Variants in ADCY8 observed in about 807,000 individuals in gnomAD.
The protein encoded by ADCY8 is adenylate cyclase 8, also known as adenylate cyclase type 8.
A neutral mutation model predicts 119.7 loss-of-function variants in ADCY8; 51 were observed. That is an observed-to-expected ratio of 0.43 (90% confidence interval 0.34 to 0.54). The LOEUF (loss-of-function observed/expected upper bound fraction) is 0.54. Among genes scored for constraint, ADCY8 ranks in the 20% least tolerant of loss-of-function variants. ADCY8 has a pLI of 0.03. For missense variants in ADCY8, 1,383 were observed against 1,598.8 expected (o/e 0.87, Z 2.30); for synonymous variants, 665 against 651.0 (o/e 1.02, Z -0.33).
intron 13 of ADCY8, among the ~76,000 whole-genome samples, chr8:130,816,372 G>A (rs997349265): frequency 6.6e-6 from 1 of 150,750 alleles, no homozygotes; most frequent in African/African-American, 2.4e-5. Context: ...AAGAAAGATC[G>A]ATCTCTTTAT....
intron 12 of ADCY8, among the ~76,000 whole-genome samples, chr8:130,824,528 A>G (rs1816614753): frequency 6.6e-6 from 1 of 152,346 alleles, no homozygotes; most frequent in African/African-American, 2.4e-5. Flanking sequence ...ATAATGCCTT[A>G]TTCATCTATG....
chr8:130,957,163 G>A (rs1821454526), intron 2 of ADCY8, among the ~76,000 whole-genome samples: 1 of 152,186 alleles, frequency 6.6e-6, no homozygotes, highest in Non-Finnish European at 1.5e-5. Context: ...TTGTTGAATG[G>A]CTTTGACCAT....
Position 130,903,927 on chromosome 8 carries a change from A to C in ADCY8, c.1756T>G (p.Leu586Val), listed in dbSNP as rs779630953. The C allele has an allele frequency of 3.1e-6, 5 of 1,614,108 alleles. No individual in the cohort carries two copies. The highest frequency in any genetic ancestry group is 3.4e-6 in the Non-Finnish European group (4 of 1,180,002). The change falls in exon 7 of 18, where the codon TTA (leucine) becomes GTA (valine). Residue 586 changes from leucine to valine, a missense_variant. Physicochemically the swap from Leu to Val is conservative, Grantham distance 32. This residue lies in a region of ADCY8 where 928 missense variants were observed against 1,163.5 expected (regional missense o/e 0.80). Coordinates refer to ENST00000286355, the MANE Select transcript of ADCY8 (RefSeq NM_001115.3). ...FLRKHNIETY[L>V]IKQPEDSLLS... ...AGACTGTCCTCAGGCTGCTTAATTA[A>C]GTAAGTTTCGATATTATGCTTCCTC...
chr8:130,925,341 C>T (rs1820431403), intron 5 of ADCY8, among the ~76,000 whole-genome samples: 1 of 152,170 alleles, frequency 6.6e-6, no homozygotes, highest in Admixed American at 6.5e-5. Flanking sequence ...TTCCAGGACC[C>T]AAACTCAGCC....
chr8:131,035,594 G>A (rs1464602338), intron 1 of ADCY8, among the ~76,000 whole-genome samples: 3 of 152,138 alleles, frequency 2.0e-5, no homozygotes, highest in Non-Finnish European at 4.4e-5. Flanking sequence ...GAGATTTTCA[G>A]TGTGGTTGCT....
intron 12 of ADCY8, among the ~76,000 whole-genome samples, chr8:130,826,035 A>G (rs1383278942): frequency 6.6e-6 from 1 of 152,234 alleles, no homozygotes; most frequent in African/African-American, 2.4e-5. Context: ...TTTGATGAAT[A>G]TTCTCGTATA....
At chr8:130,818,796 T>C (rs1273689433) in intron 13 of ADCY8, among the ~76,000 whole-genome samples, 1 of 152,144 alleles carries the variant, frequency 6.6e-6, no homozygotes, top group African/African-American at 2.4e-5. Context: ...GCCGCCCCTA[T>C]CACAGGGAGG....
chr8:130,909,019 CTCCA>C (rs746565794), intron 6 of ADCY8, among the ~76,000 whole-genome samples: 56 of 100,686 alleles, frequency 5.6e-4, no homozygotes, highest in African/African-American at 1.5e-3. Flanking sequence ...CTTTCTCTAT[CTCCA>C]TCCATCCATC....
chr8:130,910,217 G>A (rs1451462816), intron 5 of ADCY8, among the ~76,000 whole-genome samples: 1 of 152,070 alleles, frequency 6.6e-6, no homozygotes, highest in Non-Finnish European at 1.5e-5. Flanking sequence ...AACATCCTTA[G>A]CCTTTTATCT....
At chr8:130,948,200 C>G (rs1486018647) in intron 3 of ADCY8, among the ~76,000 whole-genome samples, 1 of 152,138 alleles carries the variant, frequency 6.6e-6, no homozygotes, top group East Asian at 1.9e-4. Context: ...AGTTAAAAAT[C>G]ACTGAAATTG....
At chr8:131,004,839 G>A (rs946084764) in intron 1 of ADCY8, among the ~76,000 whole-genome samples, 2 of 152,134 alleles carry the variant, frequency 1.3e-5, no homozygotes, top group East Asian at 3.9e-4. Context: ...GATTCTCATG[G>A]ACACTCACAG....
intron 4 of ADCY8, 78 bp from the exon 5 acceptor site, chr8:130,937,278 G>A (rs1356056902): frequency 1.2e-5 from 18 of 1,491,798 alleles, no homozygotes; most frequent in Middle Eastern, 2.3e-4. Flanking sequence ...AGAAAGAGGC[G>A]AGCAGGGTTA....
rs1318365422 is a variant in ADCY8 at position 130,990,527 on chromosome 8, C to T, written c.976G>A (p.Val326Met). The T allele has an allele frequency of 6.2e-7, 1 of 1,614,058 alleles. No individual in the cohort carries two copies. Residue 326 changes from valine (V) to methionine (M), a missense_variant, in exon 2 of 18, where the codon GTG (valine) becomes ATG (methionine). By Grantham distance (21) the Val-to-Met change is conservative. Coordinates refer to ENST00000286355, the MANE Select transcript of ADCY8 (RefSeq NM_001115.3). ...ISINQVVAQA[V>M]LFMCMNTAGI... ...GCTGTGTTCATACACATGAATAGCA[C>T]TGCCTGGGCCACAACCTAAAATAAA...
intron 1 of ADCY8, among the ~76,000 whole-genome samples, chr8:130,993,395 C>T (rs1014185986): frequency 6.6e-6 from 1 of 152,104 alleles, no homozygotes; most frequent in South Asian, 2.1e-4. Context: ...AGTTTATATA[C>T]CAAACAGATT....
intron 2 of ADCY8, among the ~76,000 whole-genome samples, chr8:130,956,832 T>C (rs1347140555): frequency 1.3e-5 from 2 of 152,218 alleles, no homozygotes; most frequent in African/African-American, 4.8e-5. Flanking sequence ...ATTCTCTCTT[T>C]GCCTGCTGCC....
intron 1 of ADCY8, among the ~76,000 whole-genome samples, chr8:131,000,500 CT>C (rs1281943831): frequency 2.0e-5 from 3 of 152,160 alleles, no homozygotes; most frequent in Non-Finnish European, 4.4e-5. Flanking sequence ...TCCAAAGTGC[CT>C]TGCATATTTT....
At chr8:130,891,163 G>A (rs1433952147) in intron 7 of ADCY8, among the ~76,000 whole-genome samples, 7 of 152,116 alleles carry the variant, frequency 4.6e-5, no homozygotes, top group South Asian at 2.1e-4. Context: ...ATGTTTCTGT[G>A]CCTAACTTGG....
intron 8 of ADCY8, among the ~76,000 whole-genome samples, chr8:130,878,480 C>T (rs1274438793): frequency 6.6e-6 from 1 of 152,096 alleles, no homozygotes; most frequent in Non-Finnish European, 1.5e-5. Context: ...GAGTTAGGAC[C>T]CGGGGACTTT....
intron 2 of ADCY8, among the ~76,000 whole-genome samples, chr8:130,975,090 G>A (rs1441555656): frequency 1.3e-5 from 2 of 152,168 alleles, no homozygotes; most frequent in African/African-American, 4.8e-5. Context: ...CCACCTCCGA[G>A]GCCCATGGGC....
Sources: allele counts gnomAD v4.1 joint callset (sites outside exome capture counted in the v4.1 genomes callset), GRCh38; gene constraint gnomAD v4.1.1; regional missense constraint gnomAD v4.1.1; transcripts MANE v1.5; gene names NCBI Gene and HGNC (gene_info 2026-07-23, HGNC 2026-07-21).